The following TENT5D variants were observed in gnomAD, a reference collection of about 807,000 sequenced individuals.
The protein encoded by TENT5D is terminal nucleotidyltransferase 5D.
For synonymous variants in TENT5D, 103 were observed against 100.6 expected (o/e 1.02, Z -0.15); for missense variants, 191 against 287.0 (o/e 0.67, Z 2.42).
At chrX:80,335,524 T>G in exon 1 of TENT5D, 1 of 111,786 alleles carries the variant, frequency 8.9e-6, no homozygotes, top group East Asian at 2.8e-4. Flanking sequence ...GCTCCCACCT[T>G]GGGTCCTTCG....
chrX:80,357,320 C>T (rs1475740134), intron 3 of TENT5D, among the ~76,000 whole-genome samples: 2 of 109,150 alleles, frequency 1.8e-5, no homozygotes, highest in South Asian at 8.0e-4. Context: ...AGTTCTAGAT[C>T]CCTGAGGAAT....
intron 1 of TENT5D, among the ~76,000 whole-genome samples, chrX:80,424,212 A>C (rs1209135542): frequency 2.7e-5 from 3 of 111,319 alleles, no homozygotes; most frequent in Non-Finnish European, 5.6e-5. Flanking sequence ...CTTTTGCATT[A>C]CCATTTGTAG....
chrX:80,413,851 A>T (rs1247600115), intron 3 of TENT5D, among the ~76,000 whole-genome samples: 1 of 112,394 alleles, frequency 8.9e-6, no homozygotes, highest in Admixed American at 9.4e-5. Flanking sequence ...ACCCAGTGGG[A>T]AAAAGACCAA....
chrX:80,364,775 C>T (rs769796967), intron 3 of TENT5D, among the ~76,000 whole-genome samples: 56 of 110,031 alleles, frequency 5.1e-4, no homozygotes, highest in African/African-American at 1.8e-3. Flanking sequence ...TTGTATTTCT[C>T]ACTGGCTGAT....
intron 3 of TENT5D, among the ~76,000 whole-genome samples, chrX:80,383,608 G>C (rs1310934630): frequency 8.9e-6 from 1 of 112,244 alleles, no homozygotes; most frequent in Non-Finnish European, 1.9e-5. Flanking sequence ...TGTAATCCCA[G>C]CACTTTGTGA....
intron 1 of TENT5D, among the ~76,000 whole-genome samples, chrX:80,428,749 A>T (rs1282954989): frequency 8.9e-6 from 1 of 112,284 alleles, no homozygotes; most frequent in Non-Finnish European, 1.9e-5. Context: ...TGTTAAAGTA[A>T]ATGGGCTTAA....
chrX:80,336,431 G>A (rs932159717), intron 2 of TENT5D, among the ~76,000 whole-genome samples: 8 of 109,656 alleles, frequency 7.3e-5, no homozygotes, highest in African/African-American at 2.7e-4. Flanking sequence ...ACTTCAGTAG[G>A]TGAAACTGTA....
chrX:80,338,896 T>C (rs1929903076), intron 2 of TENT5D, among the ~76,000 whole-genome samples: 1 of 112,134 alleles, frequency 8.9e-6, no homozygotes, highest in African/African-American at 3.2e-5. Flanking sequence ...GTTTGCATAA[T>C]GGAAATAAGT....
At chrX:80,372,499 A>G (rs1365738337) in intron 3 of TENT5D, among the ~76,000 whole-genome samples, 1 of 111,659 alleles carries the variant, frequency 9.0e-6, no homozygotes, top group Non-Finnish European at 1.9e-5. Flanking sequence ...GTATATCTGT[A>G]TTTGTGAAAG....
At chrX:80,436,328 G>T (rs866173445) in intron 1 of TENT5D, among the ~76,000 whole-genome samples, 8 of 111,083 alleles carry the variant, frequency 7.2e-5, no homozygotes, top group Middle Eastern at 4.7e-3. Context: ...AGAGAAAACT[G>T]CAAAATATCA....
chrX:80,397,310 G>A lies in TENT5D; in HGVS notation c.-141-41300G>A, dbSNP rs139643680. Among the ~76,000 whole-genome samples, 155 of 105,543 alleles carry A rather than the reference G, an allele frequency of 1.5e-3. 3 individuals carry two copies. The East Asian group carries it at 0.032, about 22-fold the overall frequency. The allele number at this position is 105,543 out of a possible 115,157, so 91.7% of individuals were successfully genotyped here. A position where few individuals can be genotyped will look rare whatever the true frequency, so the allele number is the denominator to read the frequency against. ...CCAGACGGGGTGGCGGGGCAGAGGCGCTCCCCACATCTCAGACGATGGGCG... is the reference window on the plus strand; with the variant it reads ...CCAGACGGGGTGGCGGGGCAGAGGCACTCCCCACATCTCAGACGATGGGCG... On this transcript the variant is annotated intron_variant, in intron 3 of 4. Transcript: ENST00000538312.
chrX:80,374,516 T>C (rs970011054), intron 3 of TENT5D, among the ~76,000 whole-genome samples: 1 of 111,186 alleles, frequency 9.0e-6, no homozygotes, highest in African/African-American at 3.3e-5. Flanking sequence ...TTGGTGATTT[T>C]TTTTTTACTT....
intron 2 of TENT5D, among the ~76,000 whole-genome samples, chrX:80,341,314 A>G (rs1355784637): frequency 2.7e-5 from 3 of 112,431 alleles, no homozygotes; most frequent in African/African-American, 6.5e-5. Flanking sequence ...CATACATCTT[A>G]CGGAAAAGCT....
chrX:80,408,476 G>T (rs1429405417), intron 3 of TENT5D, among the ~76,000 whole-genome samples: 1 of 109,572 alleles, frequency 9.1e-6, no homozygotes, highest in South Asian at 4.0e-4. Context: ...ACACCTCTAC[G>T]CAAATAAACT....
intron 3 of TENT5D, among the ~76,000 whole-genome samples, chrX:80,357,826 T>A (rs1930318512): frequency 9.0e-6 from 1 of 111,394 alleles, no homozygotes; most frequent in African/African-American, 3.3e-5. Flanking sequence ...TTAAAGTTCA[T>A]ATGGAACTAA....
intron 3 of TENT5D, among the ~76,000 whole-genome samples, chrX:80,386,710 G>A (rs1931020170): frequency 9.0e-6 from 1 of 111,349 alleles, no homozygotes; most frequent in Admixed American, 9.5e-5. Flanking sequence ...TGTGGATTCA[G>A]AAATTAAATC....
intron 3 of TENT5D, among the ~76,000 whole-genome samples, chrX:80,409,814 G>C (rs1931602456): frequency 9.8e-6 from 1 of 102,555 alleles, no homozygotes; most frequent in Non-Finnish European, 2.0e-5. Context: ...AAAGAACAAA[G>C]CTGGAGGCAT....
intron 3 of TENT5D, among the ~76,000 whole-genome samples, chrX:80,372,649 G>C: frequency 9.0e-6 from 1 of 110,703 alleles, no homozygotes; most frequent in Non-Finnish European, 1.9e-5. Flanking sequence ...CACTTTGGGA[G>C]GCTGAGGCGT....
intron 2 of TENT5D, among the ~76,000 whole-genome samples, chrX:80,341,550 A>G (rs1433792091): frequency 9.0e-6 from 1 of 111,475 alleles, no homozygotes; most frequent in Non-Finnish European, 1.9e-5. Context: ...TCAGTGTATA[A>G]GGCAAAAGTC....
Sources: gnomAD v4.1 joint callset for allele counts (sites outside exome capture counted in the v4.1 genomes callset) on GRCh38, gnomAD v4.1.1 for gene constraint, MANE v1.5 for transcripts, NCBI Gene and HGNC (gene_info 2026-07-23, HGNC 2026-07-21) for gene names.